The following CHD6 variants were observed in gnomAD, a reference collection of about 807,000 sequenced individuals.
CHD6 encodes ATP-dependent chromatin remodeler CHD6.
Under a neutral mutation model 276.9 loss-of-function variants are expected in CHD6, and 50 were observed. The observed-to-expected ratio is 0.18, with a 90% CI of 0.14 to 0.23. CHD6 has a LOEUF of 0.23. CHD6 is among the 10% of genes least tolerant of loss of function. The pLI is 1.00. For synonymous variants in CHD6, 1,173 were observed against 1,229.3 expected (o/e 0.95, Z 0.96); for missense variants, 2,564 against 3,365.8 (o/e 0.76, Z 5.89).
chr20:41,608,994 A>G (rs552996991), intron 1 of CHD6, among the ~76,000 whole-genome samples: 4 of 152,366 alleles, frequency 2.6e-5, no homozygotes, highest in South Asian at 4.1e-4. Flanking sequence ...TATTTTAGTA[A>G]CATCTCATAC....
intron 1 of CHD6, among the ~76,000 whole-genome samples, chr20:41,599,945 A>G (rs2045757247): frequency 6.6e-6 from 1 of 152,230 alleles, no homozygotes; most frequent in African/African-American, 2.4e-5. Context: ...GGACACAGAA[A>G]CAGGAACTAT....
intron 1 of CHD6, among the ~76,000 whole-genome samples, chr20:41,613,646 G>C (rs1259070494): frequency 1.3e-5 from 2 of 152,222 alleles, no homozygotes; most frequent in East Asian, 1.9e-4. Context: ...GTCCAAAGAA[G>C]TCAGCATCCA....
intron 4 of CHD6, 103 bp downstream of exon 4, chr20:41,514,702 G>A (rs2145973625): frequency 7.5e-7 from 1 of 1,329,482 alleles, no homozygotes; most frequent in Admixed American, 2.1e-5. Context: ...CCCAGGGCTA[G>A]GGAGTGTGCT....
intron 5 of CHD6, among the ~76,000 whole-genome samples, chr20:41,504,748 A>G (rs1482030162): frequency 6.6e-6 from 1 of 152,128 alleles, no homozygotes; most frequent in Admixed American, 6.5e-5. Flanking sequence ...TAGTTATTTT[A>G]AAGTTCTTTC....
chr20:41,473,334 T>C lies in CHD6; in HGVS notation c.2652A>G (p.Gln884=). 6.2e-7 allele frequency: 1 copy of C among 1,613,910 alleles called. No individual in the cohort carries two copies. Among genetic ancestry groups the C allele is most frequent in the African/African-American group, 1.3e-5 (1 of 75,024 alleles). Residue 884 remains glutamine (Q), a synonymous_variant, in exon 17 of 37, where the codon CAA becomes CAG. Transcript: ENST00000373233. This position sits in a 1 kb window ranked among gnomAD's most constrained non-coding sequence, Gnocchi z 4.1. Reference sequence around the variant, plus strand: ...TCCTAGTGGTTACCTGCAAGTCATTTTGTGGGTTCCAGTCAGAATCAAATA... The same window carrying C: ...TCCTAGTGGTTACCTGCAAGTCATTCTGTGGGTTCCAGTCAGAATCAAATA... ...CIIFDSDWNP[Q]NDLQAQARCH...
intron 3 of CHD6, among the ~76,000 whole-genome samples, chr20:41,520,383 C>T (rs575310809): frequency 5.7e-4 from 86 of 152,090 alleles, no homozygotes; most frequent in South Asian, 5.6e-3. Context: ...TATGTTACTG[C>T]GGCACTATTC....
chr20:41,602,571 T>C (rs1186911498), intron 1 of CHD6, among the ~76,000 whole-genome samples: 1 of 152,182 alleles, frequency 6.6e-6, no homozygotes, highest in Non-Finnish European at 1.5e-5. Flanking sequence ...TGGTGGACAG[T>C]CTCTAATCCA....
intron 1 of CHD6, among the ~76,000 whole-genome samples, chr20:41,589,872 T>G (rs1223562080): frequency 2.6e-5 from 4 of 152,212 alleles, no homozygotes; most frequent in African/African-American, 9.6e-5. Context: ...TACTTTAAAG[T>G]TCATATGGAA....
At chr20:41,451,766 G>C in intron 22 of CHD6, 60 bp downstream of exon 22, 1 of 1,429,198 alleles carries the variant, frequency 7.0e-7, no homozygotes, top group Non-Finnish European at 9.9e-7. Context: ...CCCCGCAGAG[G>C]AAGAGGGGAT....
chr20:41,561,717 G>A (rs1051776574), intron 1 of CHD6, among the ~76,000 whole-genome samples: 1 of 152,148 alleles, frequency 6.6e-6, no homozygotes, highest in Non-Finnish European at 1.5e-5. Context: ...TGGATGGACT[G>A]GTGGGTTGCA....
intron 14 of CHD6, chr20:41,485,678 A>T (rs1261480450): frequency 6.6e-6 from 1 of 151,664 alleles, no homozygotes; most frequent in Non-Finnish European, 1.5e-5. Flanking sequence ...AGTAGTGGTT[A>T]CCAGGGACTG....
At chr20:41,568,983 C>T (rs1162610085) in intron 1 of CHD6, among the ~76,000 whole-genome samples, 1 of 152,136 alleles carries the variant, frequency 6.6e-6, no homozygotes, top group African/African-American at 2.4e-5. Context: ...TTCTTAATCC[C>T]CTCCCACTTC....
At chr20:41,547,219 T>TGACAAACTAACAAACTAAA in intron 2 of CHD6, among the ~76,000 whole-genome samples, 1 of 152,352 alleles carries the variant, frequency 6.6e-6, no homozygotes, top group Non-Finnish European at 1.5e-5. Context: ...AAAGATTTCC[T>TGACAAACTAACAAACTAAA]TGCCACTGAC....
At position 41,421,266 on chromosome 20, in the gene CHD6, A is replaced by G; in HGVS notation, c.5369T>C (p.Leu1790Pro). Residue 1790 changes from leucine (L) to proline (P), a missense_variant, in exon 31 of 37, where the codon CTC (leucine) becomes CCC (proline). Transcript: ENST00000373233. Reference sequence around the variant, plus strand: ...TCTCTGTCCTGCCTCACTGCAGCAGAGCTCCCCTTCCTTTGAAATAGACAT... The same window carrying G: ...TCTCTGTCCTGCCTCACTGCAGCAGGGCTCCCCTTCCTTTGAAATAGACAT... ...LLMSISKEGE[L>P]CCSEAGQRPE... 1 of 1,614,016 alleles carries G rather than the reference A, an allele frequency of 6.2e-7. No homozygotes were observed. Among genetic ancestry groups the G allele is most frequent in the Non-Finnish European group, 8.5e-7 (1 of 1,180,012 alleles).
At chr20:41,578,722 AT>A (rs1301756013) in intron 1 of CHD6, among the ~76,000 whole-genome samples, 1 of 150,986 alleles carries the variant, frequency 6.6e-6, no homozygotes, top group Non-Finnish European at 1.5e-5. Context: ...AAAGAAAGAA[AT>A]TTTCTATAAT....
intron 17 of CHD6, among the ~76,000 whole-genome samples, chr20:41,471,832 G>A (rs981595585): frequency 1.3e-5 from 2 of 152,094 alleles, no homozygotes; most frequent in Admixed American, 1.3e-4. Flanking sequence ...ACCGTGCCCG[G>A]CCATTATTTT....
chr20:41,447,989 A>G lies in CHD6; in HGVS notation c.3684-18T>C, dbSNP rs767997519. On this transcript the variant is annotated intron_variant, in intron 23 of 36. Transcript: ENST00000373233. ...AAAGTACTCTATGAAAGGTGAACACATTAATGCAAACAAATTAGAACCCAT... is the reference window on the plus strand; with the variant it reads ...AAAGTACTCTATGAAAGGTGAACACGTTAATGCAAACAAATTAGAACCCAT... The G allele has an allele frequency of 1.3e-6, 2 of 1,505,108 alleles. No individual in the cohort carries two copies. Among genetic ancestry groups the G allele is most frequent in the Admixed American group, 1.8e-5 (1 of 56,362 alleles). 93.2% of individuals were successfully genotyped at this position (1,505,108 alleles called of 1,614,324 possible). A position where few individuals can be genotyped will look rare whatever the true frequency, so the allele number is the denominator to read the frequency against.
chr20:41,559,425 C>T lies in CHD6; in HGVS notation c.-23-8065G>A, dbSNP rs1402795769. ...AAGTTCACTTCCTCCCATATTACTT[C>T]CCTAAAGCTGTTCTTGACAATCACT... On this transcript the variant is annotated intron_variant, in intron 1 of 36. Coordinates refer to ENST00000373233, the MANE Select transcript of CHD6 (RefSeq NM_032221.5). Among the ~76,000 whole-genome samples, 5 of 152,232 alleles carry T rather than the reference C, an allele frequency of 3.3e-5. No individual in the cohort carries two copies. In the East Asian group the frequency reaches 9.6e-4, roughly 29 times the overall value.
chr20:41,556,290 G>T (rs1462506532), intron 1 of CHD6, among the ~76,000 whole-genome samples: 1 of 147,132 alleles, frequency 6.8e-6, no homozygotes, highest in Non-Finnish European at 1.5e-5. Context: ...GAGAGGGAGA[G>T]GGAGACCGTG....
Sources: gnomAD v4.1 joint callset for allele counts (sites outside exome capture counted in the v4.1 genomes callset) on GRCh38, gnomAD v4.1.1 for gene constraint, Gnocchi (gnomAD v3.1) non-coding constraint, MANE v1.5 for transcripts, NCBI Gene and HGNC (gene_info 2026-07-23, HGNC 2026-07-21) for gene names.